The following UCHL5 variants were observed in gnomAD, a reference collection of about 807,000 sequenced individuals.
UCHL5 encodes the protein ubiquitin C-terminal hydrolase L5, also known as ubiquitin carboxyl-terminal hydrolase isozyme L5.
UCHL5 carries 34 observed loss-of-function variants against 53.8 expected under a neutral mutation model. That is an observed-to-expected ratio of 0.63 (90% CI 0.48 to 0.84). UCHL5 has a LOEUF of 0.84. Among genes scored for constraint, UCHL5 ranks in the 40% least tolerant of loss-of-function variants. The pLI is 0.00. For synonymous variants in UCHL5, 111 were observed against 126.3 expected (o/e 0.88, Z 0.81); for missense variants, 290 against 385.6 (o/e 0.75, Z 2.08).
At chr1:193,059,829 G>A, upstream of UCHL5, 1 of 1,358,888 alleles carries the variant, frequency 7.4e-7, no homozygotes, top group East Asian at 4.6e-5. This position sits in a 1 kb window ranked among gnomAD's most constrained non-coding sequence, Gnocchi z 4.9. Context: ...CCCCAGGGAC[G>A]CGCAAATTCT....
At chr1:193,026,664 G>T (rs1659358468) in intron 7 of UCHL5, among the ~76,000 whole-genome samples, 1 of 151,132 alleles carries the variant, frequency 6.6e-6, no homozygotes, top group Non-Finnish European at 1.5e-5. Flanking sequence ...AAATGGTACA[G>T]TCACTCTGGA....
At chr1:193,059,667 T>TGCTGTG, upstream of UCHL5, 1 of 1,373,776 alleles carries the variant, frequency 7.3e-7, no homozygotes, top group Non-Finnish European at 9.7e-7. This position sits in a 1 kb window ranked among gnomAD's most constrained non-coding sequence, Gnocchi z 4.9. Context: ...CTGTTGCTGT[T>TGCTGTG]GCTGTGGCTG....
At position 193,025,203 on chromosome 1, in the gene UCHL5, A is replaced by G. The variant is rs567003487; in HGVS notation, c.630-1257T>C. 3.9e-5 allele frequency among the ~76,000 whole-genome samples: 6 copies of G among 152,368 alleles called. No individual in the cohort carries two copies. In the South Asian group the frequency reaches 1.2e-3, roughly 32 times the overall value. ...AGCCAAATAGAAAAGGTGCAGCCTC[A>G]GAAGACAGAAAACTTTTAGACAATA... On this transcript the variant is annotated intron_variant, in intron 7 of 10. Coordinates refer to ENST00000367454, the MANE Select transcript of UCHL5 (RefSeq NM_001199261.3).
At chr1:193,040,152 A>G (rs1023846207) in intron 3 of UCHL5, among the ~76,000 whole-genome samples, 5 of 152,214 alleles carry the variant, frequency 3.3e-5, no homozygotes, top group African/African-American at 1.2e-4. Context: ...GAATAGGATT[A>G]CATCAAACTA....
chr1:193,046,736 T>C (rs1043367939), intron 3 of UCHL5, among the ~76,000 whole-genome samples: 2 of 148,626 alleles, frequency 1.3e-5, no homozygotes, highest in African/African-American at 4.9e-5. Context: ...TAAAATATAA[T>C]CATTTTAAAT....
intron 1 of UCHL5, among the ~76,000 whole-genome samples, chr1:193,057,959 G>A (rs1375511985): frequency 6.6e-6 from 1 of 152,184 alleles, no homozygotes; most frequent in Non-Finnish European, 1.5e-5. Context: ...GGGTGGGCGC[G>A]TGGCTCACGC....
chr1:193,054,860 C>T (rs1234826950), intron 1 of UCHL5, among the ~76,000 whole-genome samples: 1 of 152,310 alleles, frequency 6.6e-6, no homozygotes, highest in Admixed American at 6.5e-5. Context: ...GATGGAATTA[C>T]TCTTCCTCCT....
intron 10 of UCHL5, among the ~76,000 whole-genome samples, chr1:193,019,480 T>C (rs967007702): frequency 1.3e-5 from 2 of 151,646 alleles, no homozygotes; most frequent in Admixed American, 1.3e-4. Context: ...TGCATGTATA[T>C]AAGAAATAAA....
intron 7 of UCHL5, chr1:193,027,781 T>C (rs1659868870): frequency 1.7e-6 from 1 of 604,252 alleles, no homozygotes; most frequent in Non-Finnish European, 2.7e-6. Flanking sequence ...CTACATGAAA[T>C]TTAGAGATTT....
chr1:193,029,708 G>A (rs763830319), intron 3 of UCHL5, 51 bp from the exon 4 acceptor site: 1 of 1,460,836 alleles, frequency 6.8e-7, no homozygotes, highest in South Asian at 1.4e-5. Context: ...AATAAAAAAT[G>A]GTTTTTAACT....
intron 9 of UCHL5, among the ~76,000 whole-genome samples, chr1:193,021,406 T>G (rs948802014): frequency 1.3e-5 from 2 of 152,174 alleles, no homozygotes; most frequent in Non-Finnish European, 1.5e-5. Flanking sequence ...GCCCCTGACT[T>G]AGCAAATAAT....
Position 193,016,292 on chromosome 1 carries a change from T to A in UCHL5, c.*59A>T, listed in dbSNP as rs957910680. ...GATGTTGCTCTAAGTTCTTTATACA[T>A]AATGGTTTCCATGAAAATATGTGCA... On this transcript the variant is annotated 3_prime_UTR_variant, in exon 11 of 11. Transcript: ENST00000367454. 1 of 1,586,040 alleles carries A rather than the reference T, an allele frequency of 6.3e-7. No individual in the cohort carries two copies. Among genetic ancestry groups the A allele is most frequent in the Admixed American group, 1.9e-5 (1 of 53,074 alleles).
intron 1 of UCHL5, among the ~76,000 whole-genome samples, chr1:193,056,948 A>G (rs1427356586): frequency 6.6e-6 from 1 of 152,242 alleles, no homozygotes; most frequent in Non-Finnish European, 1.5e-5. Context: ...GTGCATGTAC[A>G]GAAGATGAAT....
chr1:193,030,713 A>G (rs1450925385), intron 3 of UCHL5, among the ~76,000 whole-genome samples: 2 of 152,146 alleles, frequency 1.3e-5, no homozygotes, highest in Admixed American at 1.3e-4. Flanking sequence ...ATGATTTTAC[A>G]TTTTAGTAAA....
At chr1:193,054,745 TA>T (rs1162832272) in intron 1 of UCHL5, among the ~76,000 whole-genome samples, 1 of 152,208 alleles carries the variant, frequency 6.6e-6, no homozygotes. Flanking sequence ...AGATGAAATG[TA>T]CCTTAGAAGC....
chr1:193,017,282 G>A (rs372671899), intron 10 of UCHL5, among the ~76,000 whole-genome samples: 2 of 151,604 alleles, frequency 1.3e-5, no homozygotes, highest in African/African-American at 4.8e-5. Context: ...CAATGAATTA[G>A]ACTTCTACAT....
intron 3 of UCHL5, among the ~76,000 whole-genome samples, chr1:193,046,299 AG>A (rs1667304587): frequency 6.6e-6 from 1 of 152,126 alleles, no homozygotes; most frequent in Admixed American, 6.6e-5. Context: ...CCAAAATGAT[AG>A]GATTACAAAC....
chr1:193,029,188 T>C lies in UCHL5; in HGVS notation c.556A>G (p.Ile186Val). ...ACAGGAACTGCATTACCTAAATCAA[T>C]CGGTCCTTCTCTTAATCCATCTAAT... Reference protein sequence around the residue: ...YELDGLREGPIDLGACNQDDW... With the variant: ...YELDGLREGPVDLGACNQDDW... Residue 186 changes from isoleucine to valine, a missense_variant, in exon 6 of 11, where the codon ATT becomes GTT. Physicochemically the swap from Ile to Val is conservative, Grantham distance 29 (BLOSUM62 3). Coordinates refer to ENST00000367454, the MANE Select transcript of UCHL5 (RefSeq NM_001199261.3). The C allele has an allele frequency of 6.2e-7, 1 of 1,612,242 alleles. No individual in the cohort carries two copies. Among genetic ancestry groups the C allele is most frequent in the Non-Finnish European group, 8.5e-7 (1 of 1,179,440 alleles).
At chr1:193,027,595 G>C (rs1335220315) in intron 7 of UCHL5, among the ~76,000 whole-genome samples, 8 of 152,128 alleles carry the variant, frequency 5.3e-5, no homozygotes. Context: ...TGAGACACGA[G>C]AATCGCTTGA....
Sources: gnomAD v4.1 joint callset for allele counts (sites outside exome capture counted in the v4.1 genomes callset) on GRCh38, gnomAD v4.1.1 for gene constraint, Gnocchi (gnomAD v3.1) non-coding constraint, MANE v1.5 for transcripts, NCBI Gene and HGNC (gene_info 2026-07-23, HGNC 2026-07-21) for gene names.